PRKCE: variants seen among roughly 807,000 people sequenced by gnomAD.
The protein encoded by PRKCE is protein kinase C epsilon, also known as protein kinase C epsilon type.
PRKCE carries 16 observed loss-of-function variants against 85.4 expected under a neutral mutation model. That is an observed-to-expected ratio of 0.19 (90% CI 0.13 to 0.28). The LOEUF is 0.28. Ranked by LOEUF, PRKCE falls within the 10% of genes least tolerant of loss-of-function variation. PRKCE has a pLI of 1.00. For synonymous variants in PRKCE, 388 were observed against 371.5 expected, an observed-to-expected ratio of 1.04 and a Z score of -0.51; for missense variants, 573 against 975.2, an observed-to-expected ratio of 0.59 and a Z score of 5.49.
chr2:45,877,753 C>G (rs1694587237), intron 2 of PRKCE, among the ~76,000 whole-genome samples: 2 of 152,024 alleles, frequency 1.3e-5, no homozygotes, highest in Non-Finnish European at 2.9e-5. Flanking sequence ...GCTCATGGTT[C>G]CCTTTGAAAC....
rs1460637571 is a variant in PRKCE, at chr2:45,910,042, CG to C, written c.413-66386del. On this transcript the variant is annotated intron_variant, in intron 2 of 14. Transcript: ENST00000306156. ...AAATGGCCCTTTCCAGTAAACTCACCGCCCCCCCCCAGCCAAGTGCCCAGGA... is the reference window on the plus strand; with the variant it reads ...AAATGGCCCTTTCCAGTAAACTCACCCCCCCCCCCAGCCAAGTGCCCAGGA... 1.4e-3 allele frequency among the ~76,000 whole-genome samples: 190 copies of C among 133,274 alleles called. 1 individual carries two copies. The highest frequency in any genetic ancestry group is 5.0e-3 in the African/African-American group (181 of 36,312). 87.4% of individuals were successfully genotyped at this position (133,274 alleles called of 152,430 possible). A position where few individuals can be genotyped will look rare whatever the true frequency, so the allele number is the denominator to read the frequency against.
At chr2:45,916,499 A>T (rs1394488359) in intron 2 of PRKCE, among the ~76,000 whole-genome samples, 1 of 152,100 alleles carries the variant, frequency 6.6e-6, no homozygotes, top group Non-Finnish European at 1.5e-5. Flanking sequence ...TCCTGCTTTG[A>T]TCTTTCAAAG....
At chr2:46,098,321 C>A (rs567602858) in intron 11 of PRKCE, among the ~76,000 whole-genome samples, 3 of 150,468 alleles carry the variant, frequency 2.0e-5, no homozygotes, top group African/African-American at 7.4e-5. Context: ...GGTTATTACT[C>A]CCCCCCCAAC....
In PRKCE at chr2:46,068,293, T is replaced by G. The variant is rs1467232293; in HGVS notation, c.1438-17915T>G. On this transcript the variant is annotated intron_variant, in intron 10 of 14. Transcript: ENST00000306156. The surrounding 1 kb of genome is among the most constrained non-coding windows in gnomAD (Gnocchi z 4.3). ...TCCAGTAAAGGATTCAGAAAGAGAC[T>G]TCAGGAGCTGCCCTGGGAAACAAGA... Among the ~76,000 whole-genome samples, 1 of 152,194 alleles carries G rather than the reference T, an allele frequency of 6.6e-6. No homozygotes were observed. Among genetic ancestry groups the G allele is most frequent in the Admixed American group, 6.5e-5 (1 of 15,278 alleles).
At chr2:46,021,857 A>AT (rs1706694889) in intron 10 of PRKCE, among the ~76,000 whole-genome samples, 4 of 152,056 alleles carry the variant, frequency 2.6e-5, no homozygotes, top group Admixed American at 2.6e-4. Flanking sequence ...TCCAGTTTAG[A>AT]TTCGTGTTGA....
chr2:45,718,045 GC>G (rs1348521214), intron 1 of PRKCE, among the ~76,000 whole-genome samples: 1 of 152,210 alleles, frequency 6.6e-6, no homozygotes, highest in Non-Finnish European at 1.5e-5. Context: ...AAGGTTCTCA[GC>G]TTTGCGGATC....
intron 10 of PRKCE, among the ~76,000 whole-genome samples, chr2:46,032,085 C>A (rs571675529): frequency 7.2e-5 from 11 of 152,318 alleles, no homozygotes; most frequent in South Asian, 2.1e-4. Flanking sequence ...TAGAAGACTG[C>A]CGCAAGAATT....
chr2:45,653,608 A>G lies in PRKCE; in HGVS notation c.348+1160A>G, dbSNP rs894040903. Among the ~76,000 whole-genome samples, 3 of 152,136 alleles carry G rather than the reference A, an allele frequency of 2.0e-5. No individual in the cohort carries two copies. The East Asian group carries it at 5.8e-4, about 29-fold the overall frequency. ...AACCAGCTAACTTCATGAATGTCCT[A>G]GAGGTCAGAGGTTGCACATGGATCA... is the stretch of plus-strand genomic sequence containing the variant. On this transcript the variant is annotated intron_variant, in intron 1 of 14. Transcript: ENST00000306156.
chr2:45,881,716 C>G (rs1483663547), intron 2 of PRKCE, among the ~76,000 whole-genome samples: 1 of 152,194 alleles, frequency 6.6e-6, no homozygotes, highest in Non-Finnish European at 1.5e-5. Flanking sequence ...GAATGACTTG[C>G]CTAAGTCACA....
chr2:46,028,600 A>G (rs536374347), intron 10 of PRKCE, among the ~76,000 whole-genome samples: 1 of 152,274 alleles, frequency 6.6e-6, no homozygotes, highest in Non-Finnish European at 1.5e-5. Flanking sequence ...TGCTGCCATC[A>G]CATACGTAAA....
chr2:45,977,352 C>T (rs1702534493), intron 3 of PRKCE, among the ~76,000 whole-genome samples: 1 of 152,010 alleles, frequency 6.6e-6, no homozygotes, highest in African/African-American at 2.4e-5. Flanking sequence ...GGAAGGAGGC[C>T]AGGCACAAGT....
intron 10 of PRKCE, among the ~76,000 whole-genome samples, chr2:46,053,123 A>G (rs992802537): frequency 6.6e-6 from 1 of 152,232 alleles, no homozygotes; most frequent in African/African-American, 2.4e-5. Flanking sequence ...AGTAATTTCA[A>G]AGAAATAACT....
At chr2:46,000,222 G>T (rs1342511745) in intron 6 of PRKCE, among the ~76,000 whole-genome samples, 1 of 151,788 alleles carries the variant, frequency 6.6e-6, no homozygotes, top group African/African-American at 2.4e-5. Context: ...CGGGTAAAAG[G>T]AACTGTCAGT....
chr2:46,053,947 T>C (rs1044930146), intron 10 of PRKCE, among the ~76,000 whole-genome samples: 1 of 152,190 alleles, frequency 6.6e-6, no homozygotes, highest in Non-Finnish European at 1.5e-5. Flanking sequence ...CCATACTGTT[T>C]TCCACCGCAG....
chr2:45,699,062 G>A (rs1000143614), intron 1 of PRKCE, among the ~76,000 whole-genome samples: 12 of 151,830 alleles, frequency 7.9e-5, no homozygotes, highest in Admixed American at 3.3e-4. Flanking sequence ...TTTAATAGAC[G>A]CCTTATACCT....
intron 14 of PRKCE, among the ~76,000 whole-genome samples, chr2:46,175,343 A>G (rs1429695806): frequency 3.3e-5 from 5 of 152,200 alleles, no homozygotes; most frequent in East Asian, 1.9e-4. Context: ...ACTGAGACCA[A>G]ATAGAAAGTT....
At chr2:45,962,339 T>A (rs1421028625) in intron 2 of PRKCE, among the ~76,000 whole-genome samples, 1 of 152,250 alleles carries the variant, frequency 6.6e-6, no homozygotes, top group East Asian at 1.9e-4. Flanking sequence ...ATTTACCTTC[T>A]AGACAAAGAT....
intron 1 of PRKCE, among the ~76,000 whole-genome samples, chr2:45,718,593 C>T (rs769210666): frequency 5.3e-5 from 8 of 152,158 alleles, no homozygotes; most frequent in East Asian, 3.9e-4. Flanking sequence ...CGGCCCACCT[C>T]GGCCTCCCAA....
chr2:45,886,575 C>T (rs1015483608), intron 2 of PRKCE, among the ~76,000 whole-genome samples: 1 of 152,178 alleles, frequency 6.6e-6, no homozygotes, highest in Non-Finnish European at 1.5e-5. Flanking sequence ...AATAGTCCAG[C>T]CATCTTGGAG....
Sources: gnomAD v4.1 joint callset for allele counts (sites outside exome capture counted in the v4.1 genomes callset) on GRCh38, gnomAD v4.1.1 for gene constraint, Gnocchi (gnomAD v3.1) non-coding constraint, MANE v1.5 for transcripts, NCBI Gene and HGNC (gene_info 2026-07-23, HGNC 2026-07-21) for gene names.